EXOC6B: variants seen among roughly 807,000 people sequenced by gnomAD.
EXOC6B encodes the protein exocyst complex component 6B.
In EXOC6B, 54 loss-of-function variants were observed where a neutral mutation model predicts 113.5. The observed-to-expected ratio is 0.48, with a 90% CI of 0.38 to 0.60. EXOC6B has a LOEUF of 0.60. EXOC6B is among the 20% of genes least tolerant of loss of function. The probability of loss-of-function intolerance (pLI) is 0.00; values close to 1 mark genes in which losing one functional copy is unlikely to be tolerated. For synonymous variants in EXOC6B, 357 were observed against 339.0 expected (o/e 1.05, Z -0.58); for missense variants, 797 against 977.5 (o/e 0.82, Z 2.46).
rs1559060081 is a variant in EXOC6B, at chr2:72,251,100, G to GTATTTAATAATGTAATTTATTTAATAATA, written c.2197-66914_2197-66913insTATTATTAAATAAATTACATTATTAAATA. Among the ~76,000 whole-genome samples, 490 of 151,778 alleles carry GTATTTAATAATGTAATTTATTTAATAATA rather than the reference G, an allele frequency of 3.2e-3. 3 individuals are homozygous for GTATTTAATAATGTAATTTATTTAATAATA. Among genetic ancestry groups the GTATTTAATAATGTAATTTATTTAATAATA allele is most frequent in the African/African-American group, 0.011 (465 of 41,458 alleles). On this transcript the variant is annotated intron_variant, in intron 20 of 21. Coordinates refer to ENST00000272427, the MANE Select transcript of EXOC6B (RefSeq NM_015189.3). The stretch of plus-strand genomic sequence containing the variant: ...CCCTTGGCCTTTACTTGCTTACTTT[G>GTATTTAATAATGTAATTTATTTAATAATA]TATTTAATATTGGCAATGTCTCCAT...
intron 1 of EXOC6B, among the ~76,000 whole-genome samples, chr2:72,759,018 A>G (rs1243592630): frequency 6.6e-6 from 1 of 152,202 alleles, no homozygotes; most frequent in African/African-American, 2.4e-5. Context: ...AAGTGTAACA[A>G]CAAAGGCAGT....
At chr2:72,697,131 G>GAT (rs1461408044) in intron 6 of EXOC6B, among the ~76,000 whole-genome samples, 16 of 151,718 alleles carry the variant, frequency 1.1e-4, no homozygotes, top group Admixed American at 7.9e-4. Flanking sequence ...TATAGATATA[G>GAT]ATATAGATAT....
intron 7 of EXOC6B, among the ~76,000 whole-genome samples, chr2:72,569,812 T>C (rs898280802): frequency 6.6e-6 from 1 of 152,182 alleles, no homozygotes; most frequent in African/African-American, 2.4e-5. Context: ...GGGTCAAATA[T>C]CACAACCACT....
intron 20 of EXOC6B, among the ~76,000 whole-genome samples, chr2:72,237,892 T>C (rs1019528359): frequency 6.9e-6 from 1 of 145,286 alleles, no homozygotes; most frequent in African/African-American, 2.5e-5. Context: ...AAGCATTTGC[T>C]TTTTTTTTTT....
intron 6 of EXOC6B, among the ~76,000 whole-genome samples, chr2:72,591,263 C>T (rs1293692289): frequency 6.6e-6 from 1 of 152,006 alleles, no homozygotes; most frequent in Admixed American, 6.6e-5. Flanking sequence ...AAAATAAATG[C>T]AAACTAAATT....
intron 1 of EXOC6B, among the ~76,000 whole-genome samples, chr2:72,788,587 A>G (rs1485004929): frequency 1.3e-5 from 2 of 152,208 alleles, no homozygotes; most frequent in Non-Finnish European, 2.9e-5. Context: ...ACTTGAGTCC[A>G]AGTGTTTGAG....
At chr2:72,362,476 TAATA>T (rs1690375006) in intron 19 of EXOC6B, among the ~76,000 whole-genome samples, 1 of 152,072 alleles carries the variant, frequency 6.6e-6, no homozygotes, top group South Asian at 2.1e-4. Flanking sequence ...TAATTAATTA[TAATA>T]AATAACATTT....
chr2:72,752,641 T>C (rs551735487), intron 1 of EXOC6B, among the ~76,000 whole-genome samples: 27 of 147,808 alleles, frequency 1.8e-4, no homozygotes, highest in Non-Finnish European at 3.1e-4. Context: ...GAGCACACTA[T>C]ACTTACTGCC....
At chr2:72,733,889 T>C (rs1375406162) in intron 2 of EXOC6B, among the ~76,000 whole-genome samples, 3 of 152,210 alleles carry the variant, frequency 2.0e-5, no homozygotes, top group Non-Finnish European at 4.4e-5. Flanking sequence ...CTACTCCTTA[T>C]ACTTTTAGTG....
Position 72,338,591 on chromosome 2 carries a change from TA to T in EXOC6B, c.2123-3572del, listed in dbSNP as rs1038464992. On this transcript the variant is annotated intron_variant, in intron 19 of 21. Coordinates refer to ENST00000272427, the MANE Select transcript of EXOC6B (RefSeq NM_015189.3). ...TTAAAAATTTAATAAATGTATAAAA[TA>T]GGTATTTTGTAATTTTGTGACTCAG... Among the ~76,000 whole-genome samples the T allele has an allele frequency of 2.6e-3, 398 of 152,252 alleles. 1 individual carries two copies. Among genetic ancestry groups the T allele is most frequent in the African/African-American group, 9.0e-3 (374 of 41,558 alleles).
intron 19 of EXOC6B, among the ~76,000 whole-genome samples, chr2:72,341,882 C>T (rs985257340): frequency 1.3e-5 from 2 of 152,060 alleles, no homozygotes; most frequent in Non-Finnish European, 2.9e-5. Flanking sequence ...TGATTGTAAT[C>T]ATCTTAAGTA....
chr2:72,654,071 G>A (rs779338630), intron 6 of EXOC6B, among the ~76,000 whole-genome samples: 1 of 151,296 alleles, frequency 6.6e-6, no homozygotes, highest in East Asian at 1.9e-4. Context: ...CTGGGTTTGC[G>A]CCATTCTCCT....
chr2:72,712,342 T>C (rs1679329647), intron 6 of EXOC6B, among the ~76,000 whole-genome samples: 1 of 152,220 alleles, frequency 6.6e-6, no homozygotes, highest in South Asian at 2.1e-4. Flanking sequence ...AGTTAACTCA[T>C]GGATCAGGAG....
intron 6 of EXOC6B, among the ~76,000 whole-genome samples, chr2:72,668,907 C>G (rs1022494545): frequency 6.6e-6 from 1 of 152,010 alleles, no homozygotes; most frequent in Non-Finnish European, 1.5e-5. Context: ...ACATGTACCC[C>G]CTAATTCTAA....
At chr2:72,546,164 T>C (rs1156812855) in intron 8 of EXOC6B, among the ~76,000 whole-genome samples, 1 of 152,156 alleles carries the variant, frequency 6.6e-6, no homozygotes, top group Non-Finnish European at 1.5e-5. Context: ...ATAAAGAGAT[T>C]ATGGCCAGGC....
chr2:72,652,898 C>T (rs1674295872), intron 6 of EXOC6B, among the ~76,000 whole-genome samples: 1 of 151,272 alleles, frequency 6.6e-6, no homozygotes, highest in African/African-American at 2.4e-5. Flanking sequence ...GCAGTCCCAT[C>T]ATTTTGATAG....
intron 21 of EXOC6B, among the ~76,000 whole-genome samples, chr2:72,183,659 G>T (rs1036689824): frequency 6.6e-6 from 1 of 152,120 alleles, no homozygotes; most frequent in East Asian, 1.9e-4. Context: ...AGGAACCAGA[G>T]AAACCATCTG....
chr2:72,328,324 T>A (rs140782506), intron 20 of EXOC6B, among the ~76,000 whole-genome samples: 1 of 152,132 alleles, frequency 6.6e-6, no homozygotes, highest in Non-Finnish European at 1.5e-5. Flanking sequence ...AGTCTGTGTA[T>A]CTGCGTACAG....
intron 20 of EXOC6B, among the ~76,000 whole-genome samples, chr2:72,199,237 C>T (rs1679349356): frequency 6.6e-6 from 1 of 152,144 alleles, no homozygotes. Context: ...TTTTATTAGA[C>T]AGCTGACTTA....
Sources: gnomAD v4.1 joint callset for allele counts (sites outside exome capture counted in the v4.1 genomes callset) on GRCh38, gnomAD v4.1.1 for gene constraint, MANE v1.5 for transcripts, NCBI Gene and HGNC (gene_info 2026-07-23, HGNC 2026-07-21) for gene names.